The following STRN4 variants were observed in gnomAD, a reference collection of about 807,000 sequenced individuals.
The protein encoded by STRN4 is striatin 4.
Under a neutral mutation model 77.9 loss-of-function variants are expected in STRN4, and 27 were observed. The observed-to-expected ratio is 0.35, with a 90% CI of 0.26 to 0.48. The LOEUF is 0.48. STRN4 is among the 20% of genes least tolerant of loss of function. The pLI is 0.99. For missense variants in STRN4, 798 were observed against 1,049.7 expected, an observed-to-expected ratio of 0.76 and a Z score of 3.31; for synonymous variants, 466 against 443.1, an observed-to-expected ratio of 1.05 and a Z score of -0.65.
At chr19:46,724,249 C>CGAAAAAAAAAA (rs2054050806) in intron 12 of STRN4, among the ~76,000 whole-genome samples, 1 of 87,206 alleles carries the variant, frequency 1.1e-5, no homozygotes, top group Admixed American at 1.3e-4. Context: ...CTCTTTGTCT[C>CGAAAAAAAAAA]AAAAAAAAAA....
intron 1 of STRN4, among the ~76,000 whole-genome samples, chr19:46,743,328 A>T (rs537029524): frequency 1.3e-5 from 2 of 152,318 alleles, no homozygotes; most frequent in South Asian, 4.1e-4. Flanking sequence ...CAAAAGTACA[A>T]AGTGACAGTG....
At chr19:46,731,388 T>A (rs933350135) in intron 5 of STRN4, 3 of 157,448 alleles carry the variant, frequency 1.9e-5, no homozygotes, top group Admixed American at 6.2e-5. Flanking sequence ...GCCTGCACTA[T>A]CCCCAGCAAC....
In STRN4 at chr19:46,720,689, C is replaced by T; in HGVS notation, c.2175G>A (p.Glu725=). 6.2e-7 allele frequency: 1 copy of T among 1,611,354 alleles called. No individual in the cohort carries two copies. Among genetic ancestry groups the T allele is most frequent in the Non-Finnish European group, 8.5e-7 (1 of 1,178,540 alleles). ...QEITAHRKKH[E]EAIHAVACHP... is the part of the protein sequence containing the mutation. ...GGCAGGCAACAGCGTGGATGGCCTCCTCGTGCTTCTTGCGGTGGGCCGTGA... is the reference window on the plus strand; with the variant it reads ...GGCAGGCAACAGCGTGGATGGCCTCTTCGTGCTTCTTGCGGTGGGCCGTGA... The change falls in exon 17 of 18, where the codon GAG becomes GAA. Residue 725 remains glutamate, a synonymous_variant. Transcript: ENST00000263280.
rs758698895 is a variant in STRN4, at chr19:46,730,822, C to A, written c.789G>T (p.Gly263=). Residue 263 remains glycine, a synonymous_variant, in exon 6 of 18, where the codon GGG becomes GGT. Transcript: ENST00000263280. The part of the protein sequence containing the change: ...GKERLGGSVL[G]QIPFLQNCED... The stretch of plus-strand genomic sequence containing the variant: ...CGCAGTTCTGCAGGAAGGGGATCTG[C>A]CCCAGCACTGAGCCGCCCAAGCGCT... 1 of 1,612,640 alleles carries A rather than the reference C, an allele frequency of 6.2e-7. No homozygotes were observed. The highest frequency in any genetic ancestry group is 1.1e-5 in the South Asian group (1 of 91,090).
At position 46,728,013 on chromosome 19, in the gene STRN4, G is replaced by GT; in HGVS notation, c.1040-7_1040-6insA. On this transcript the variant is annotated splice_region_variant and splice_polypyrimidine_tract_variant and intron_variant, in intron 7 of 17. Coordinates refer to ENST00000263280, the MANE Select transcript of STRN4 (RefSeq NM_013403.3). The stretch of plus-strand genomic sequence containing the variant: ...GAGTTTGACCCGACGGCTTTCTGCA[G>GT]GGTCGAGGCATAGGGCCGGAGTCAC... 6.2e-7 allele frequency: 1 copy of GT among 1,613,276 alleles called. No homozygotes were observed. The highest frequency in any genetic ancestry group is 8.5e-7 in the Non-Finnish European group (1 of 1,179,772).
chr19:46,740,845 G>A (rs992403330), intron 1 of STRN4, among the ~76,000 whole-genome samples: 2 of 152,238 alleles, frequency 1.3e-5, no homozygotes, highest in Non-Finnish European at 2.9e-5. Context: ...AGCGAAGGAC[G>A]CTATGGGAAG....
intron 17 of STRN4, 97 bp from the exon 18 acceptor site, chr19:46,720,435 A>G (rs2053949733): frequency 1.2e-6 from 1 of 843,620 alleles, no homozygotes; most frequent in Non-Finnish European, 1.6e-6. Flanking sequence ...TCCCCCAGTG[A>G]TTCTCACAGG....
intron 11 of STRN4, 87 bp downstream of exon 11, chr19:46,725,245 G>A (rs1451209638): frequency 3.5e-5 from 55 of 1,581,922 alleles, no homozygotes; most frequent in Non-Finnish European, 4.6e-5. Flanking sequence ...GCCTCCTGCC[G>A]TGGGCCTCCC....
rs753878093 is a variant in STRN4, at chr19:46,733,228, T to C, written c.548A>G (p.Glu183Gly). Residue 183 changes from glutamate to glycine, a missense_variant, in exon 5 of 18, where the codon GAA becomes GGA. Glu to Gly is a moderately conservative substitution (Grantham distance 98, BLOSUM62 -2). This residue lies in a region of STRN4 where 511 missense variants were observed against 575.9 expected (regional missense o/e 0.89). Coordinates refer to ENST00000263280, the MANE Select transcript of STRN4 (RefSeq NM_013403.3). This position sits in a 1 kb window ranked among gnomAD's most constrained non-coding sequence, Gnocchi z 4.3. ...GATGGTGTCTGTGTAGCCCACCTCT[T>C]CCAGGTACCTGCAGGGGTGCAGAGC... is the stretch of plus-strand genomic sequence containing the variant. ...EGRQLLRQYL[E>G]EVGYTDTILD... is the part of the protein sequence containing the mutation. 1 of 1,609,920 alleles carries C rather than the reference T, an allele frequency of 6.2e-7. No homozygotes were observed. The highest frequency in any genetic ancestry group is 1.3e-5 in the African/African-American group (1 of 75,000).
At chr19:46,727,613 G>C in intron 8 of STRN4, 67 bp from the exon 9 acceptor site, 1 of 1,285,120 alleles carries the variant, frequency 7.8e-7, no homozygotes, top group Non-Finnish European at 1.1e-6. Context: ...CAGGGAGAGA[G>C]AGAATGACAG....
chr19:46,744,156 A>C (rs879839458), intron 1 of STRN4, among the ~76,000 whole-genome samples: 1 of 152,154 alleles, frequency 6.6e-6, no homozygotes, highest in Admixed American at 6.5e-5. Flanking sequence ...ACTAAATTGC[A>C]GCTGGTACCG....
In STRN4 at chr19:46,722,250, T is replaced by C. The variant is rs372231795; in HGVS notation, c.1997A>G (p.Asn666Ser). 6.2e-7 allele frequency: 1 copy of C among 1,613,962 alleles called. No homozygotes were observed. Among genetic ancestry groups the C allele is most frequent in the Non-Finnish European group, 8.5e-7 (1 of 1,179,982 alleles). ...HDDRGIRFLDNRTGKPVHSMV... is the reference protein window; with the variant it reads ...HDDRGIRFLDSRTGKPVHSMV... ...AAGGGGCTAGGCCTCACCTGTCCGA[T>C]TGTCCAGGAAGCGGATGCCCCTGTC... The change falls in exon 15 of 18, where the codon AAT becomes AGT. Residue 666 changes from asparagine to serine, a missense_variant. Coordinates refer to ENST00000263280, the MANE Select transcript of STRN4 (RefSeq NM_013403.3).
At position 46,733,273 on chromosome 19, in the gene STRN4, C is replaced by A; in HGVS notation, c.540-37G>T. On this transcript the variant is annotated intron_variant, in intron 4 of 17. Transcript: ENST00000263280. The surrounding 1 kb of genome is among the most constrained non-coding windows in gnomAD (Gnocchi z 4.3). ...CAGAGCCACGTGGGTCAGACATCCC[C>A]TGGGCTTCTTCATGTACCACAGGGG... 6.3e-7 allele frequency: 1 copy of A among 1,591,930 alleles called. No homozygotes were observed. Among genetic ancestry groups the A allele is most frequent in the South Asian group, 1.1e-5 (1 of 89,786 alleles).
chr19:46,728,361 C>T (rs1476151653), intron 7 of STRN4: 1 of 595,020 alleles, frequency 1.7e-6, no homozygotes, highest in Non-Finnish European at 3.0e-6. Context: ...GAGCTGGACG[C>T]CCGCCCTGGA....
chr19:46,734,984 A>G (rs965827185), intron 4 of STRN4, among the ~76,000 whole-genome samples: 2 of 152,094 alleles, frequency 1.3e-5, no homozygotes, highest in Non-Finnish European at 2.9e-5. Flanking sequence ...ACTCTTTAAC[A>G]GTGAAAACAA....
At chr19:46,734,101 T>C (rs1460774211) in intron 4 of STRN4, among the ~76,000 whole-genome samples, 1 of 152,282 alleles carries the variant, frequency 6.6e-6, no homozygotes, top group East Asian at 1.9e-4. Context: ...TGTCTGAGGC[T>C]CCTATCTCCC....
rs1279295629 is a variant in STRN4 at position 46,728,301 on chromosome 19, T to C, written c.1040-294A>G. The stretch of plus-strand genomic sequence containing the variant: ...GGGAGGAAGATGCGGCCCTCCCACC[T>C]GCCTCTCCCCGACTGGGTCCTCATC... On this transcript the variant is annotated intron_variant, in intron 7 of 17. Coordinates refer to ENST00000263280, the MANE Select transcript of STRN4 (RefSeq NM_013403.3). 24 of 588,302 alleles carry C rather than the reference T, an allele frequency of 4.1e-5. No homozygotes were observed. In the East Asian group the frequency reaches 4.9e-4, roughly 12 times the overall value. 36.4% of individuals were successfully genotyped at this position (588,302 alleles called of 1,614,324 possible).
In STRN4 at chr19:46,741,436, G is replaced by C. The variant is rs1332436063; in HGVS notation, c.283-2548C>G. Among the ~76,000 whole-genome samples, 1 of 152,178 alleles carries C rather than the reference G, an allele frequency of 6.6e-6. No individual in the cohort carries two copies. Among genetic ancestry groups the C allele is most frequent in the African/African-American group, 2.4e-5 (1 of 41,444 alleles). Reference sequence around the variant, plus strand: ...GTCCCTTTCCCAGTGCCTCTGGAAAGAGAACCAGAAAGACATGGTTGGAGC... The same window carrying C: ...GTCCCTTTCCCAGTGCCTCTGGAAACAGAACCAGAAAGACATGGTTGGAGC... On this transcript the variant is annotated intron_variant, in intron 1 of 17. Coordinates refer to ENST00000263280, the MANE Select transcript of STRN4 (RefSeq NM_013403.3). This position sits in a 1 kb window ranked among gnomAD's most constrained non-coding sequence, Gnocchi z 4.9.
intron 4 of STRN4, among the ~76,000 whole-genome samples, chr19:46,734,087 T>G (rs1415357254): frequency 6.6e-6 from 1 of 152,190 alleles, no homozygotes; most frequent in Non-Finnish European, 1.5e-5. Flanking sequence ...TGTGCGCCTG[T>G]GTGTGTCTGA....
Sources: allele counts gnomAD v4.1 joint callset (sites outside exome capture counted in the v4.1 genomes callset), GRCh38; gene constraint gnomAD v4.1.1; regional missense constraint gnomAD v4.1.1; non-coding constraint Gnocchi (gnomAD v3.1); transcripts MANE v1.5; gene names NCBI Gene and HGNC (gene_info 2026-07-23, HGNC 2026-07-21).